Variants in GOLGA2 observed in about 807,000 individuals in gnomAD.
GOLGA2 encodes golgin subfamily A member 2.
In GOLGA2, 49 loss-of-function variants were observed where a neutral mutation model predicts 148.8. That is an observed-to-expected ratio of 0.33 (90% CI 0.26 to 0.42). The LOEUF is 0.42. GOLGA2 is among the 10% of genes least tolerant of loss of function. The probability of loss-of-function intolerance (pLI) is 1.00; values close to 1 mark genes in which losing one functional copy is unlikely to be tolerated. For synonymous variants in GOLGA2, 501 were observed against 511.8 expected (o/e 0.98, Z 0.28); for missense variants, 1,178 against 1,304.6 (o/e 0.90, Z 1.49).
intron 1 of GOLGA2, chr9:128,275,274 A>G: frequency 1.5e-6 from 1 of 662,126 alleles, no homozygotes; most frequent in South Asian, 2.4e-5. Flanking sequence ...CGGGATGAGA[A>G]CACTTAGGGG....
Position 128,260,498 on chromosome 9 carries a change from C to A in GOLGA2, c.1725G>T (p.Gln575His), listed in dbSNP as rs187213293. 28 of 1,612,618 alleles carry A rather than the reference C, an allele frequency of 1.7e-5. No individual in the cohort carries two copies. The East Asian group carries it at 5.8e-4, about 33-fold the overall frequency. The change falls in exon 18 of 27, where the codon CAG becomes CAT. Residue 575 changes from glutamine to histidine, a missense_variant. This residue lies in a region of GOLGA2 where 529 missense variants were observed against 521.8 expected (regional missense o/e 1.01). Transcript: ENST00000611957. This position sits in a 1 kb window ranked among gnomAD's most constrained non-coding sequence, Gnocchi z 4.8. ...CAAATCCGCTCTGCAGCTCAGCCAG[C>A]TGCTCCTTGAGCTCCCGGTTCTGGG... ...ALSQNRELKEQLAELQSGFVK... is the reference protein window; with the variant it reads ...ALSQNRELKEHLAELQSGFVK...
chr9:128,262,901 C>A (rs1262492118), intron 13 of GOLGA2, 133 bp downstream of exon 13: 5 of 806,970 alleles, frequency 6.2e-6, no homozygotes, highest in African/African-American at 1.7e-5. Context: ...GCACAGCTGG[C>A]ACTAGAGCTT....
At position 128,258,409 on chromosome 9, in the gene GOLGA2, C is replaced by A; in HGVS notation, c.2289+46G>T. 6.6e-7 allele frequency: 1 copy of A among 1,516,598 alleles called. No individual in the cohort carries two copies. 93.9% of individuals were successfully genotyped at this position (1,516,598 alleles called of 1,614,324 possible). ...AGAGCAGAAGGGGGTCTGGGAGGGA[C>A]CACAGAGGGAGGCAGCAAAGGTTGG... is the stretch of plus-strand genomic sequence containing the variant. On this transcript the variant is annotated intron_variant, in intron 22 of 26. Transcript: ENST00000611957. The surrounding 1 kb of genome is among the most constrained non-coding windows in gnomAD (Gnocchi z 6.6).
At position 128,267,263 on chromosome 9, in the gene GOLGA2, T is replaced by C. The variant is rs1830646609; in HGVS notation, c.573A>G (p.Gln191=). 6.2e-7 allele frequency: 1 copy of C among 1,608,080 alleles called. No individual in the cohort carries two copies. ...ANLKDLESRY[Q]QLAVALDSSY... ...TGGAGTCCAGGGCTACCGCTAGCTG[T>C]TGGTACCGGCTCTGAGGCGCATGCA... The change falls in exon 8 of 27, where the codon CAA becomes CAG. Residue 191 remains glutamine (Q), a synonymous_variant. Transcript: ENST00000611957.
In GOLGA2 at chr9:128,275,941, C is replaced by T; in HGVS notation, c.36G>A (p.Ala12=). ...TGCTCTGTCGGGTTTCTTCCGACAT[C>T]GCGGGGCGGGGAGGGAGGCGGGGTT... ...WPQPRLPPRP[A]MSEETRQSKL... is the part of the protein sequence containing the mutation. The change falls in exon 1 of 27, where the codon GCG becomes GCA. Residue 12 remains alanine, a synonymous_variant. Coordinates refer to ENST00000611957, the MANE Select transcript of GOLGA2 (RefSeq NM_001366244.2). The T allele has an allele frequency of 6.3e-7, 1 of 1,593,090 alleles. No individual in the cohort carries two copies. The highest frequency in any genetic ancestry group is 8.5e-7 in the Non-Finnish European group (1 of 1,171,292).
chr9:128,261,299 T>TG lies in GOLGA2; in HGVS notation c.1333-41dup, dbSNP rs779276331. The TG allele has an allele frequency of 6.6e-7, 1 of 1,518,054 alleles. No individual in the cohort carries two copies. The highest frequency in any genetic ancestry group is 9.1e-7 in the Non-Finnish European group (1 of 1,093,124). The allele number at this position is 1,518,054 out of a possible 1,614,324, so 94.0% of individuals were successfully genotyped here. A position where few individuals can be genotyped will look rare whatever the true frequency, so the allele number is the denominator to read the frequency against. On this transcript the variant is annotated intron_variant, in intron 16 of 26. Transcript: ENST00000611957. This position sits in a 1 kb window ranked among gnomAD's most constrained non-coding sequence, Gnocchi z 5.7. Reference sequence around the variant, plus strand: ...GCAAGAAAGGGCCCTGGAGAGGGGCTGGTGGCTGGACAGGCTACCATCTCC... The same window carrying TG: ...GCAAGAAAGGGCCCTGGAGAGGGGCTGGGTGGCTGGACAGGCTACCATCTCC...
At position 128,257,624 on chromosome 9, in the gene GOLGA2, C is replaced by G; in HGVS notation, c.2695G>C (p.Ala899Pro). The G allele has an allele frequency of 6.2e-7, 1 of 1,614,118 alleles. No homozygotes were observed. The highest frequency in any genetic ancestry group is 8.5e-7 in the Non-Finnish European group (1 of 1,179,990). The change falls in exon 25 of 27, where the codon GCC becomes CCC. Residue 899 changes from alanine (A) to proline (P), a missense_variant. Transcript: ENST00000611957. The surrounding 1 kb of genome is among the most constrained non-coding windows in gnomAD (Gnocchi z 8.0). Reference sequence around the variant, plus strand: ...ACCTTCATCTCCTCCTTGTCTTGGGCCAGCCTGCTGATGTACTCCTCCTTC... The same window carrying G: ...ACCTTCATCTCCTCCTTGTCTTGGGGCAGCCTGCTGATGTACTCCTCCTTC... The part of the protein sequence containing the change: ...REKEEYISRL[A>P]QDKEEMKVKL...
chr9:128,270,193 G>A (rs554939477), intron 3 of GOLGA2, among the ~76,000 whole-genome samples: 5 of 124,582 alleles, frequency 4.0e-5, no homozygotes, highest in Admixed American at 3.2e-4. Flanking sequence ...GAGTGTAGTG[G>A]CGAGATCTCC....
chr9:128,265,256 A>G (rs1239988302), intron 12 of GOLGA2, among the ~76,000 whole-genome samples: 2 of 152,234 alleles, frequency 1.3e-5, no homozygotes, highest in African/African-American at 2.4e-5. Context: ...AAATGGTAAC[A>G]TACTAAAGAT....
rs748473256 is a variant in GOLGA2 at position 128,260,039 on chromosome 9, C to A, written c.1872+37G>T. The A allele has an allele frequency of 7.0e-7, 1 of 1,437,074 alleles. No individual in the cohort carries two copies. The highest frequency in any genetic ancestry group is 9.7e-7 in the Non-Finnish European group (1 of 1,029,884). 89.0% of individuals were successfully genotyped at this position (1,437,074 alleles called of 1,614,324 possible). Reference sequence around the variant, plus strand: ...CACCACCCCTCCCCAGAGGCTGGTGCCCGCCTCCCAGCCCTTCTTGGATGG... The same window carrying A: ...CACCACCCCTCCCCAGAGGCTGGTGACCGCCTCCCAGCCCTTCTTGGATGG... On this transcript the variant is annotated intron_variant, in intron 19 of 26. Transcript: ENST00000611957. This position sits in a 1 kb window ranked among gnomAD's most constrained non-coding sequence, Gnocchi z 4.8.
In GOLGA2 at chr9:128,270,067, C is replaced by T. The variant is rs545095879; in HGVS notation, c.289-1543G>A. Among the ~76,000 whole-genome samples, 8 of 152,004 alleles carry T rather than the reference C, an allele frequency of 5.3e-5. No homozygotes were observed. In the South Asian group the frequency reaches 1.7e-3, roughly 32 times the overall value. On this transcript the variant is annotated intron_variant, in intron 3 of 26. Transcript: ENST00000611957. ...GGACCCTGCTAGGCTTTAGGGCCCTCCTGGCATCTTCGGTTCCCACTGATC... is the reference window on the plus strand; with the variant it reads ...GGACCCTGCTAGGCTTTAGGGCCCTTCTGGCATCTTCGGTTCCCACTGATC...
At position 128,267,736 on chromosome 9, in the gene GOLGA2, A is replaced by G. The variant is rs570091947; in HGVS notation, c.501+198T>C. 3.9e-5 allele frequency among the ~76,000 whole-genome samples: 6 copies of G among 152,268 alleles called. No individual in the cohort carries two copies. In the East Asian group the frequency reaches 1.2e-3, roughly 29 times the overall value. On this transcript the variant is annotated intron_variant, in intron 6 of 26. Coordinates refer to ENST00000611957, the MANE Select transcript of GOLGA2 (RefSeq NM_001366244.2). Reference sequence around the variant, plus strand: ...AGTGCTTCTGCAGCAGGATACAATGATGCAACCAGTCATGGGGTCCAACTC... The same window carrying G: ...AGTGCTTCTGCAGCAGGATACAATGGTGCAACCAGTCATGGGGTCCAACTC...
chr9:128,263,796 G>A (rs957100977), intron 12 of GOLGA2, among the ~76,000 whole-genome samples: 11 of 151,672 alleles, frequency 7.3e-5, no homozygotes, highest in Admixed American at 1.3e-4. Flanking sequence ...CAAGTGATCC[G>A]CCCGCCTCAA....
chr9:128,262,776 C>A, intron 13 of GOLGA2, 72 bp from the exon 14 acceptor site: 2 of 1,412,756 alleles, frequency 1.4e-6, no homozygotes, highest in East Asian at 2.3e-5. Flanking sequence ...CCACCCTCTA[C>A]CCTTGCCCCA....
chr9:128,266,238 C>A lies in GOLGA2; in HGVS notation c.681+49G>T. The A allele has an allele frequency of 6.5e-7, 1 of 1,537,320 alleles. No homozygotes were observed. The highest frequency in any genetic ancestry group is 9.0e-7 in the Non-Finnish European group (1 of 1,110,602). The stretch of plus-strand genomic sequence containing the variant: ...GACTGAGGCCTCTACATTTGAATGC[C>A]CCCCAAACCCAGCAGTCATGTTGTG... On this transcript the variant is annotated intron_variant, in intron 9 of 26. Transcript: ENST00000611957. This position sits in a 1 kb window ranked among gnomAD's most constrained non-coding sequence, Gnocchi z 4.2.
At chr9:128,264,250 T>TATA (rs1259022815) in intron 12 of GOLGA2, among the ~76,000 whole-genome samples, 1 of 150,212 alleles carries the variant, frequency 6.7e-6, no homozygotes, top group Non-Finnish European at 1.5e-5. Context: ...TATGTATTTA[T>TATA]TTGAGATGGA....
In GOLGA2 at chr9:128,258,149, C is replaced by T. The variant is rs2131331023; in HGVS notation, c.2339G>A (p.Arg780Lys). 1 of 1,606,882 alleles carries T rather than the reference C, an allele frequency of 6.2e-7. No homozygotes were observed. Among genetic ancestry groups the T allele is most frequent in the South Asian group, 1.1e-5 (1 of 90,732 alleles). Residue 780 changes from arginine to lysine, a missense_variant, in exon 23 of 27, where the codon AGG (arginine) becomes AAG (lysine). Coordinates refer to ENST00000611957, the MANE Select transcript of GOLGA2 (RefSeq NM_001366244.2). The surrounding 1 kb of genome is among the most constrained non-coding windows in gnomAD (Gnocchi z 6.6). ...TTGCTCCTTCAGCTGCCCACGTAGCCTTGCCTGCTCCTCCTCGGCACTGGC... is the reference window on the plus strand; with the variant it reads ...TTGCTCCTTCAGCTGCCCACGTAGCTTTGCCTGCTCCTCCTCGGCACTGGC... ...AVASAEEEQA[R>K]LRGQLKEQRV...
chr9:128,275,753 G>A (rs1315359383), intron 1 of GOLGA2, 140 bp downstream of exon 1: 2 of 596,060 alleles, frequency 3.4e-6, no homozygotes, highest in Non-Finnish European at 2.9e-6. Flanking sequence ...TGGCTGACAA[G>A]ACTTTGGTGG....
rs750640321 is a variant in GOLGA2, at chr9:128,258,088, G to A, written c.2400C>T (p.Ala800=). The change falls in exon 23 of 27, where the codon GCC becomes GCT. Residue 800 remains alanine (A), a synonymous_variant. Transcript: ENST00000611957. This position sits in a 1 kb window ranked among gnomAD's most constrained non-coding sequence, Gnocchi z 6.6. ...VRCRRLAHLL[A]SAQKEPEAAA... is the part of the protein sequence containing the mutation. ...CTGCCTCAGGCTCCTTCTGGGCCGA[G>A]GCCAGCAGGTGAGCCAGGCGCCGGC... The A allele has an allele frequency of 6.2e-7, 1 of 1,610,660 alleles. No homozygotes were observed. Among genetic ancestry groups the A allele is most frequent in the South Asian group, 1.1e-5 (1 of 91,032 alleles).
Sources: allele counts gnomAD v4.1 joint callset (sites outside exome capture counted in the v4.1 genomes callset), GRCh38; gene constraint gnomAD v4.1.1; regional missense constraint gnomAD v4.1.1; non-coding constraint Gnocchi (gnomAD v3.1); transcripts MANE v1.5; gene names NCBI Gene and HGNC (gene_info 2026-07-23, HGNC 2026-07-21).